MTUS2: variants seen among roughly 807,000 people sequenced by gnomAD.
MTUS2 encodes microtubule-associated tumor suppressor candidate 2.
Under a neutral mutation model 114.1 loss-of-function variants are expected in MTUS2, and 40 were observed. That is an observed-to-expected ratio of 0.35 (90% CI 0.27 to 0.46). The LOEUF is 0.46. Among genes scored for constraint, MTUS2 ranks in the 20% least tolerant of loss-of-function variants. The pLI is 1.00. For missense variants in MTUS2, 1,679 were observed against 1,705.4 expected (o/e 0.98, Z 0.27); for synonymous variants, 688 against 672.0 (o/e 1.02, Z -0.37).
intron 8 of MTUS2, among the ~76,000 whole-genome samples, chr13:29,405,432 G>A (rs1383720781): frequency 6.6e-6 from 1 of 152,134 alleles, no homozygotes; most frequent in Non-Finnish European, 1.5e-5. Flanking sequence ...AAAAGATGAA[G>A]TCCAGTACAG....
At chr13:28,848,876 C>T (rs996045097) in intron 2 of MTUS2, among the ~76,000 whole-genome samples, 1 of 152,082 alleles carries the variant, frequency 6.6e-6, no homozygotes, top group Non-Finnish European at 1.5e-5. Flanking sequence ...CAGATAAAGG[C>T]CAAGGATGCT....
At chr13:29,209,892 G>A in intron 5 of MTUS2, among the ~76,000 whole-genome samples, 1 of 152,146 alleles carries the variant, frequency 6.6e-6, no homozygotes, top group Non-Finnish European at 1.5e-5. Flanking sequence ...TAGATAACCT[G>A]ATGACTAGGT....
At chr13:28,860,766 T>C (rs1047566755) in intron 2 of MTUS2, among the ~76,000 whole-genome samples, 6 of 152,164 alleles carry the variant, frequency 3.9e-5, no homozygotes, top group African/African-American at 1.4e-4. Flanking sequence ...ATATGTCAAC[T>C]CTCCTCCTGT....
rs1240132062 is a variant in MTUS2, at chr13:29,466,960, T to C, written c.3185-13190T>C. Among the ~76,000 whole-genome samples, 11 of 143,956 alleles carry C rather than the reference T, an allele frequency of 7.6e-5. No homozygotes were observed. The East Asian group carries it at 1.2e-3, about 16-fold the overall frequency. The allele number at this position is 143,956 out of a possible 152,430, so 94.4% of individuals were successfully genotyped here. A position where few individuals can be genotyped will look rare whatever the true frequency, so the allele number is the denominator to read the frequency against. On this transcript the variant is annotated intron_variant, in intron 9 of 15. Coordinates refer to ENST00000612955, the MANE Select transcript of MTUS2 (RefSeq NM_001033602.4). ...AAAATATGCTTTGCATTTGACAACCTAAAAAAAAAAGGAATAAAATTTTGA... is the reference window on the plus strand; with the variant it reads ...AAAATATGCTTTGCATTTGACAACCCAAAAAAAAAAGGAATAAAATTTTGA...
chr13:29,025,327 C>A lies in MTUS2; in HGVS notation c.629C>A (p.Pro210His), dbSNP rs1566301806. The change falls in exon 3 of 16, where the codon CCT (proline) becomes CAT (histidine). Residue 210 changes from proline (P) to histidine (H), a missense_variant. Physicochemically the swap from Pro to His is moderately conservative, Grantham distance 77 (BLOSUM62 -2). Around this residue, in one of 3 missense-constraint regions of MTUS2, gnomAD observed 843 missense variants for 770.8 expected, o/e 1.09. Transcript: ENST00000612955. ...LDSREARGQI[P>H]GGGEGPQKTL... ...TCCCGGGAAGCACGGGGTCAGATAC[C>A]TGGGGGTGGGGAGGGGCCACAGAAG... 6.2e-7 allele frequency: 1 copy of A among 1,613,846 alleles called. No homozygotes were observed. Among genetic ancestry groups the A allele is most frequent in the Admixed American group, 1.7e-5 (1 of 60,006 alleles).
intron 5 of MTUS2, among the ~76,000 whole-genome samples, chr13:29,228,389 T>C (rs1896194330): frequency 6.6e-6 from 1 of 152,152 alleles, no homozygotes; most frequent in African/African-American, 2.4e-5. Flanking sequence ...GACGTGACCA[T>C]AGCTCACTGC....
rs188620280 is a variant in MTUS2, at chr13:29,480,561, G to T, written c.3399+197G>T. ...TGTGGCCTCCTTCACTCTTCCTCAG[G>T]GTTTTCACACTTGCTGTGCCCTCTG... On this transcript the variant is annotated intron_variant, in intron 10 of 15. Coordinates refer to ENST00000612955, the MANE Select transcript of MTUS2 (RefSeq NM_001033602.4). This position sits in a 1 kb window ranked among gnomAD's most constrained non-coding sequence, Gnocchi z 4.4. Among the ~76,000 whole-genome samples, 1 of 152,220 alleles carries T rather than the reference G, an allele frequency of 6.6e-6. No homozygotes were observed. The highest frequency in any genetic ancestry group is 2.4e-5 in the African/African-American group (1 of 41,536).
At chr13:28,900,921 G>T (rs1022836953) in intron 2 of MTUS2, among the ~76,000 whole-genome samples, 1 of 152,176 alleles carries the variant, frequency 6.6e-6, no homozygotes, top group African/African-American at 2.4e-5. Flanking sequence ...CAGTTTCTCA[G>T]TAGTATTGTG....
intron 6 of MTUS2, among the ~76,000 whole-genome samples, chr13:29,306,308 A>G (rs1391007207): frequency 6.6e-6 from 1 of 152,202 alleles, no homozygotes; most frequent in African/African-American, 2.4e-5. Flanking sequence ...CAAGAGAATG[A>G]AATAAAGATT....
chr13:29,406,276 T>C (rs1874748662), intron 8 of MTUS2, among the ~76,000 whole-genome samples: 1 of 152,082 alleles, frequency 6.6e-6, no homozygotes, highest in Non-Finnish European at 1.5e-5. Context: ...GGGTCGGGTA[T>C]CTGGGAGAGA....
At chr13:29,197,388 A>G (rs948430599) in intron 5 of MTUS2, among the ~76,000 whole-genome samples, 29 of 152,312 alleles carry the variant, frequency 1.9e-4, no homozygotes, top group African/African-American at 7.0e-4. Flanking sequence ...TGTCCCTGCA[A>G]AGGACATAAA....
intron 8 of MTUS2, among the ~76,000 whole-genome samples, chr13:29,381,959 C>T (rs570250276): frequency 6.6e-6 from 1 of 152,282 alleles, no homozygotes; most frequent in South Asian, 2.1e-4. Context: ...AAGAAATAAT[C>T]ATTGCGTGTC....
At chr13:29,071,104 A>G (rs1286475908) in intron 4 of MTUS2, among the ~76,000 whole-genome samples, 1 of 151,692 alleles carries the variant, frequency 6.6e-6, no homozygotes, top group Non-Finnish European at 1.5e-5. Flanking sequence ...TCCCGGGTTC[A>G]AGCGATTCTC....
At position 29,317,417 on chromosome 13, in the gene MTUS2, G is replaced by GCT. The variant is rs1164506790; in HGVS notation, c.2807-7195_2807-7194insTC. Among the ~76,000 whole-genome samples, 29 of 132,432 alleles carry GCT rather than the reference G, an allele frequency of 2.2e-4. 1 individual carries two copies. Among genetic ancestry groups the GCT allele is most frequent in the African/African-American group, 8.4e-4 (29 of 34,384 alleles). The allele number at this position is 132,432 out of a possible 152,430, so 86.9% of individuals were successfully genotyped here. On this transcript the variant is annotated intron_variant, in intron 6 of 15. Coordinates refer to ENST00000612955, the MANE Select transcript of MTUS2 (RefSeq NM_001033602.4). ...AACTCTCCTGAGTTCGCTTGTGCGC[G>GCT]CGCTCTCTCTCTCTCTTTTTTTTTT... is the stretch of plus-strand genomic sequence containing the variant.
chr13:29,047,875 A>G (rs1320138865), intron 4 of MTUS2, among the ~76,000 whole-genome samples: 1 of 152,064 alleles, frequency 6.6e-6, no homozygotes, highest in Non-Finnish European at 1.5e-5. Flanking sequence ...TTTTTGTTTT[A>G]TGGACTTAAA....
intron 2 of MTUS2, among the ~76,000 whole-genome samples, chr13:28,965,367 G>T (rs1883531812): frequency 6.6e-6 from 1 of 152,036 alleles, no homozygotes; most frequent in African/African-American, 2.4e-5. Flanking sequence ...ATTCTAAAGG[G>T]GGCTTTCTGG....
At chr13:29,183,712 A>G (rs957672603) in intron 5 of MTUS2, among the ~76,000 whole-genome samples, 24 of 152,254 alleles carry the variant, frequency 1.6e-4, no homozygotes, top group Admixed American at 1.5e-3. Flanking sequence ...GAGGGAAACT[A>G]GAAGAGTATA....
intron 2 of MTUS2, among the ~76,000 whole-genome samples, chr13:28,861,446 T>C (rs1393627456): frequency 6.6e-6 from 1 of 151,226 alleles, no homozygotes; most frequent in East Asian, 1.9e-4. Context: ...TTTCTTTTTT[T>C]TTTTTTTTTA....
At chr13:29,123,545 T>A (rs1225624705) in intron 5 of MTUS2, among the ~76,000 whole-genome samples, 2 of 152,002 alleles carry the variant, frequency 1.3e-5, no homozygotes, top group African/African-American at 4.8e-5. Context: ...GGTGAAACCT[T>A]GTCTCTACTA....
Sources: allele counts gnomAD v4.1 joint callset (sites outside exome capture counted in the v4.1 genomes callset), GRCh38; gene constraint gnomAD v4.1.1; regional missense constraint gnomAD v4.1.1; non-coding constraint Gnocchi (gnomAD v3.1); transcripts MANE v1.5; gene names NCBI Gene and HGNC (gene_info 2026-07-23, HGNC 2026-07-21).